Variants in MTPN observed in about 807,000 individuals in gnomAD.
The protein encoded by MTPN is granule cell differentiation protein.
Under a neutral mutation model 13.5 loss-of-function variants are expected in MTPN, and 2 were observed. The observed-to-expected ratio is 0.15, with a 90% CI of 0.06 to 0.47. The LOEUF (loss-of-function observed/expected upper bound fraction) is 0.47, where lower values mean the gene tolerates loss of function less well. Among genes scored for constraint, MTPN ranks in the 20% least tolerant of loss-of-function variants. The pLI is 0.97. For missense variants in MTPN, 79 were observed against 137.9 expected (o/e 0.57, Z 2.14); for synonymous variants, 46 against 51.7 (o/e 0.89, Z 0.48).
At chr7:135,955,086 A>G (rs1227342052) in intron 1 of MTPN, among the ~76,000 whole-genome samples, 2 of 152,194 alleles carry the variant, frequency 1.3e-5, no homozygotes, top group African/African-American at 2.4e-5. Flanking sequence ...CAAAAAGACG[A>G]TGAGACTGAA....
chr7:135,940,867 C>T (rs1184675657), intron 3 of MTPN, among the ~76,000 whole-genome samples: 1 of 151,284 alleles, frequency 6.6e-6, no homozygotes, highest in South Asian at 2.1e-4. Flanking sequence ...TTCATAGACA[C>T]TCAATTCACA....
At chr7:135,965,875 AAAGG>A (rs1164824949) in intron 1 of MTPN, among the ~76,000 whole-genome samples, 91 of 152,306 alleles carry the variant, frequency 6.0e-4, no homozygotes, top group African/African-American at 1.8e-3. Flanking sequence ...TGAAAACAAC[AAAGG>A]AAGGGATAGT....
chr7:135,958,757 A>G (rs1425448559), intron 1 of MTPN, among the ~76,000 whole-genome samples: 1 of 152,176 alleles, frequency 6.6e-6, no homozygotes, highest in Non-Finnish European at 1.5e-5. Flanking sequence ...CCTGAATTTG[A>G]GTCACTAATG....
intron 3 of MTPN, among the ~76,000 whole-genome samples, chr7:135,948,746 A>T (rs1261721751): frequency 6.6e-6 from 1 of 152,182 alleles, no homozygotes; most frequent in Non-Finnish European, 1.5e-5. Context: ...TTTTCCTAGG[A>T]GGACAGAGAG....
chr7:135,968,920 GTATA>G (rs1022918555), intron 1 of MTPN, among the ~76,000 whole-genome samples: 6 of 151,942 alleles, frequency 3.9e-5, no homozygotes, highest in Non-Finnish European at 5.9e-5. Flanking sequence ...AATCAGTTTG[GTATA>G]GATAGAAAAA....
At chr7:135,959,237 T>C (rs1305422842) in intron 1 of MTPN, among the ~76,000 whole-genome samples, 5 of 152,162 alleles carry the variant, frequency 3.3e-5, no homozygotes, top group Non-Finnish European at 7.4e-5. Context: ...AGACATGCAA[T>C]AAATATCAAA....
At chr7:135,959,225 C>T (rs1799488332) in intron 1 of MTPN, among the ~76,000 whole-genome samples, 1 of 152,130 alleles carries the variant, frequency 6.6e-6, no homozygotes, top group Non-Finnish European at 1.5e-5. Context: ...TATTCTAATT[C>T]TAGACATGCA....
At chr7:135,946,479 A>G (rs1799290492) in intron 3 of MTPN, among the ~76,000 whole-genome samples, 1 of 113,698 alleles carries the variant, frequency 8.8e-6, no homozygotes, top group South Asian at 2.7e-4. Context: ...AGGGGTTGGC[A>G]AACATGGCCT....
intron 3 of MTPN, among the ~76,000 whole-genome samples, chr7:135,946,142 A>C (rs895028486): frequency 2.6e-5 from 4 of 152,254 alleles, no homozygotes; most frequent in Non-Finnish European, 5.9e-5. Flanking sequence ...AAAGTCCATC[A>C]GCTAATACTA....
chr7:135,939,754 A>T (rs937604898), intron 3 of MTPN, among the ~76,000 whole-genome samples: 1 of 152,110 alleles, frequency 6.6e-6, no homozygotes, highest in Non-Finnish European at 1.5e-5. Context: ...AACTTACCAC[A>T]GTCTGTAATT....
chr7:135,947,179 T>C (rs1476127110), intron 3 of MTPN, among the ~76,000 whole-genome samples: 1 of 152,224 alleles, frequency 6.6e-6, no homozygotes, highest in Non-Finnish European at 1.5e-5. Context: ...TTCCCCTTCT[T>C]GCATCTCAGT....
chr7:135,947,162 C>T (rs1406293122), intron 3 of MTPN, among the ~76,000 whole-genome samples: 1 of 152,152 alleles, frequency 6.6e-6, no homozygotes, highest in Non-Finnish European at 1.5e-5. Context: ...TAACTTCTTA[C>T]TTATCATTCC....
chr7:135,937,370 TACACACACACACACAC>T (rs35704525), intron 3 of MTPN, among the ~76,000 whole-genome samples: 3 of 144,410 alleles, frequency 2.1e-5, no homozygotes, highest in East Asian at 2.0e-4. Context: ...GCTAACTGGA[TACACACACACACACAC>T]ACACACACAC....
rs187860504 is a variant in MTPN at position 135,963,995 on chromosome 7, C to T, written c.73-12365G>A. On this transcript the variant is annotated intron_variant, in intron 1 of 3. Coordinates refer to ENST00000393085, the MANE Select transcript of MTPN (RefSeq NM_145808.4). ...AAATTAAAATTTTAATAACAAAACA[C>T]GTGTTTATATAAAGAAAGACTATCA... Among the ~76,000 whole-genome samples the T allele has an allele frequency of 0.017, 2,554 of 151,802 alleles. 93 individuals are homozygous for T. The East Asian group carries it at 0.18, about 11-fold the overall frequency.
At chr7:135,943,612 C>T (rs1584809232) in intron 3 of MTPN, among the ~76,000 whole-genome samples, 3 of 152,118 alleles carry the variant, frequency 2.0e-5, no homozygotes, top group Non-Finnish European at 2.9e-5. Context: ...AATAAGAATG[C>T]AGTTGAGTAT....
At position 135,933,098 on chromosome 7, in the gene MTPN, CAAAA is replaced by C. The variant is rs56865854; in HGVS notation, c.271-3090_271-3087del. On this transcript the variant is annotated intron_variant, in intron 3 of 3. Coordinates refer to ENST00000393085, the MANE Select transcript of MTPN (RefSeq NM_145808.4). ...CAACTGAGCAAGACTCACTCAGCCTCAAAAAAAAAAAAAAAAAAAAAAAAGATGA... is the reference window on the plus strand; with the variant it reads ...CAACTGAGCAAGACTCACTCAGCCTCAAAAAAAAAAAAAAAAAAAAGATGA... 7.9e-5 allele frequency among the ~76,000 whole-genome samples: 5 copies of C among 63,052 alleles called. No homozygotes were observed. The East Asian group carries it at 1.4e-3, about 18-fold the overall frequency. The allele number at this position is 63,052 out of a possible 152,430, so 41.4% of individuals were successfully genotyped here.
chr7:135,930,048 C>T, intron 3 of MTPN, 36 bp from the exon 4 acceptor site: 1 of 1,547,104 alleles, frequency 6.5e-7, no homozygotes, highest in Non-Finnish European at 8.9e-7. Flanking sequence ...TAAATGAGCC[C>T]ACAACTGGGG....
At chr7:135,950,910 T>TAATC (rs1799355840) in intron 2 of MTPN, among the ~76,000 whole-genome samples, 1 of 152,140 alleles carries the variant, frequency 6.6e-6, no homozygotes, top group African/African-American at 2.4e-5. Flanking sequence ...GGAGCAGGGC[T>TAATC]TTGACCTCAG....
In MTPN at chr7:135,938,093, C is replaced by T. The variant is rs1286943184; in HGVS notation, c.271-8081G>A. Among the ~76,000 whole-genome samples, 3 of 152,260 alleles carry T rather than the reference C, an allele frequency of 2.0e-5. No homozygotes were observed. In the East Asian group the frequency reaches 5.8e-4, roughly 29 times the overall value. On this transcript the variant is annotated intron_variant, in intron 3 of 3. Coordinates refer to ENST00000393085, the MANE Select transcript of MTPN (RefSeq NM_145808.4). Reference sequence around the variant, plus strand: ...AAACCCCTGCATTGTTCAAGGGTCACCCAGTTGTTATACTGTATTGCTTTT... The same window carrying T: ...AAACCCCTGCATTGTTCAAGGGTCATCCAGTTGTTATACTGTATTGCTTTT...
Sources: allele counts gnomAD v4.1 joint callset (sites outside exome capture counted in the v4.1 genomes callset), GRCh38; gene constraint gnomAD v4.1.1; transcripts MANE v1.5; gene names NCBI Gene and HGNC (gene_info 2026-07-23, HGNC 2026-07-21).